Variants in SPOCK3 observed in about 807,000 individuals in gnomAD.
SPOCK3 encodes the protein SPARC (osteonectin), cwcv and kazal like domains proteoglycan 3, also known as testican-3.
In SPOCK3, 30 loss-of-function variants were observed where a neutral mutation model predicts 56.6. The observed-to-expected ratio is 0.53, with a 90% CI of 0.40 to 0.72. SPOCK3 has a LOEUF of 0.72. SPOCK3 is among the 30% of genes least tolerant of loss of function. SPOCK3 has a pLI of 0.00. For missense variants in SPOCK3, 527 were observed against 530.0 expected (o/e 0.99, Z 0.06); for synonymous variants, 196 against 183.3 (o/e 1.07, Z -0.56).
chr4:167,173,603 C>T (rs1730693429), intron 2 of SPOCK3, among the ~76,000 whole-genome samples: 1 of 152,078 alleles, frequency 6.6e-6, no homozygotes, highest in African/African-American at 2.4e-5. Context: ...TATTCCAACT[C>T]CTCTCCCCAG....
At chr4:166,917,103 G>A (rs1162703199) in intron 4 of SPOCK3, among the ~76,000 whole-genome samples, 1 of 152,116 alleles carries the variant, frequency 6.6e-6, no homozygotes, top group Non-Finnish European at 1.5e-5. Context: ...ATGTGGCGTG[G>A]TTGTGTTAAA....
intron 8 of SPOCK3, among the ~76,000 whole-genome samples, chr4:166,746,669 C>A (rs1735656927): frequency 6.6e-6 from 1 of 152,018 alleles, no homozygotes; most frequent in Admixed American, 6.6e-5. Flanking sequence ...ACACAAAATC[C>A]CTTCAAAAAA....
intron 7 of SPOCK3, among the ~76,000 whole-genome samples, chr4:166,786,613 G>C (rs1021503188): frequency 2.6e-5 from 4 of 152,106 alleles, no homozygotes; most frequent in African/African-American, 7.2e-5. Context: ...ACAGAAAATA[G>C]GTTAAAGTCT....
At chr4:166,941,784 T>A (rs1033416884) in intron 4 of SPOCK3, among the ~76,000 whole-genome samples, 12 of 152,124 alleles carry the variant, frequency 7.9e-5, no homozygotes, top group African/African-American at 2.7e-4. Context: ...AGTAGTCCTG[T>A]AGTGAGTTCC....
intron 4 of SPOCK3, among the ~76,000 whole-genome samples, chr4:166,939,248 A>T (rs992849784): frequency 2.0e-5 from 3 of 152,122 alleles, no homozygotes; most frequent in African/African-American, 7.2e-5. Context: ...ACTTACTTGG[A>T]GAATGCAGTT....
intron 3 of SPOCK3, among the ~76,000 whole-genome samples, chr4:167,012,183 T>C (rs960473671): frequency 3.3e-5 from 5 of 151,830 alleles, no homozygotes; most frequent in African/African-American, 1.2e-4. Flanking sequence ...CAAATATCAG[T>C]GAATAAAGGT....
intron 8 of SPOCK3, among the ~76,000 whole-genome samples, chr4:166,746,572 G>C (rs2126438611): frequency 6.6e-6 from 1 of 152,214 alleles, no homozygotes; most frequent in East Asian, 1.9e-4. Context: ...ACAATTAAAA[G>C]AACTAGAGAG....
At chr4:166,902,188 G>A (rs76903205) in intron 5 of SPOCK3, among the ~76,000 whole-genome samples, 4,398 of 152,068 alleles carry the variant, frequency 0.029, 184 homozygotes, top group African/African-American at 0.09. Flanking sequence ...CATTTCCACC[G>A]TTTTCTGAAT....
intron 2 of SPOCK3, chr4:167,119,786 T>G: frequency 6.5e-7 from 1 of 1,530,218 alleles, no homozygotes; most frequent in Non-Finnish European, 8.8e-7. Context: ...TTTAACAATT[T>G]TCATTACCTG....
intron 2 of SPOCK3, among the ~76,000 whole-genome samples, chr4:167,132,792 TAC>T: frequency 6.6e-6 from 1 of 152,152 alleles, no homozygotes; most frequent in African/African-American, 2.4e-5. Context: ...TGCCTCCATC[TAC>T]ACACTTTCTC....
chr4:167,227,770 C>T (rs1201327996), intron 2 of SPOCK3, among the ~76,000 whole-genome samples: 3 of 152,082 alleles, frequency 2.0e-5, no homozygotes, highest in East Asian at 3.9e-4. Context: ...ATCATGAAAA[C>T]TAAAGTTGTG....
chr4:167,127,210 A>T (rs1361379943), intron 2 of SPOCK3, among the ~76,000 whole-genome samples: 1 of 152,150 alleles, frequency 6.6e-6, no homozygotes, highest in East Asian at 1.9e-4. Flanking sequence ...TTAGTACTTT[A>T]TTTTGCCTCA....
chr4:166,948,973 C>T (rs537033317), intron 4 of SPOCK3, among the ~76,000 whole-genome samples: 2 of 152,126 alleles, frequency 1.3e-5, no homozygotes, highest in South Asian at 2.1e-4. Flanking sequence ...ATCACTTTCA[C>T]GTACACCAAT....
chr4:166,940,441 G>T (rs957679166), intron 4 of SPOCK3, among the ~76,000 whole-genome samples: 9 of 151,962 alleles, frequency 5.9e-5, no homozygotes, highest in South Asian at 2.1e-4. Context: ...CCATGTTCTT[G>T]GGAGGCAGCA....
intron 6 of SPOCK3, among the ~76,000 whole-genome samples, chr4:166,887,966 A>G (rs1734378565): frequency 6.6e-6 from 1 of 151,962 alleles, no homozygotes; most frequent in African/African-American, 2.4e-5. Flanking sequence ...CTAATTTACC[A>G]TTAATTTTCA....
chr4:167,105,690 G>A (rs1187095865), intron 2 of SPOCK3, among the ~76,000 whole-genome samples: 1 of 151,414 alleles, frequency 6.6e-6, no homozygotes, highest in Non-Finnish European at 1.5e-5. Context: ...GATATAGAAT[G>A]GCTGAATGGA....
intron 2 of SPOCK3, among the ~76,000 whole-genome samples, chr4:167,105,068 G>A (rs1759982367): frequency 6.6e-6 from 1 of 151,954 alleles, no homozygotes; most frequent in Admixed American, 6.6e-5. Flanking sequence ...CAAAAGCTGA[G>A]GGATTTCATC....
chr4:167,205,327 A>C (rs1261713576), intron 2 of SPOCK3, among the ~76,000 whole-genome samples: 1 of 48,082 alleles, frequency 2.1e-5, no homozygotes, highest in African/African-American at 9.4e-5. Flanking sequence ...TATATATATA[A>C]TATATATTAT....
intron 2 of SPOCK3, among the ~76,000 whole-genome samples, chr4:167,116,836 T>C (rs1001493486): frequency 2.8e-5 from 4 of 141,504 alleles, no homozygotes; most frequent in African/African-American, 1.0e-4. Context: ...TAAAAGTATA[T>C]ATATACTTTT....
Sources: allele counts gnomAD v4.1 joint callset (sites outside exome capture counted in the v4.1 genomes callset), GRCh38; gene constraint gnomAD v4.1.1; transcripts MANE v1.5; gene names NCBI Gene and HGNC (gene_info 2026-07-23, HGNC 2026-07-21).